Variants in BTF3L4 observed in about 807,000 individuals in gnomAD.
BTF3L4 encodes the protein transcription factor BTF3 homolog 4.
Under a neutral mutation model 16.8 loss-of-function variants are expected in BTF3L4, and 6 were observed. The observed-to-expected ratio is 0.36, with a 90% CI of 0.20 to 0.71. BTF3L4 has a LOEUF of 0.71. BTF3L4 is among the 30% of genes least tolerant of loss of function. The probability of loss-of-function intolerance (pLI) is 0.58; values close to 1 mark genes in which losing one functional copy is unlikely to be tolerated. For missense variants in BTF3L4, 92 were observed against 186.9 expected (o/e 0.49, Z 2.96); for synonymous variants, 39 against 59.8 (o/e 0.65, Z 1.60).
At chr1:52,075,938 T>G (rs1572028717) in intron 3 of BTF3L4, among the ~76,000 whole-genome samples, 1 of 152,180 alleles carries the variant, frequency 6.6e-6, no homozygotes, top group Admixed American at 6.6e-5. Context: ...GCGTAGGGAT[T>G]ACAGGAGTGA....
intron 3 of BTF3L4, 79 bp downstream of exon 3, chr1:52,065,017 C>T: frequency 2.7e-6 from 2 of 737,268 alleles, no homozygotes; most frequent in Non-Finnish European, 4.3e-6. Context: ...TGTAAAATAT[C>T]AGCTTAGAAA....
chr1:52,072,018 G>GA (rs2124429341), intron 3 of BTF3L4, among the ~76,000 whole-genome samples: 1 of 35,408 alleles, frequency 2.8e-5, no homozygotes, highest in East Asian at 1.2e-3. Flanking sequence ...ATTTTAGCCA[G>GA]GGTTTTTTTT....
At chr1:52,067,883 T>C (rs550667372) in intron 3 of BTF3L4, among the ~76,000 whole-genome samples, 9 of 152,332 alleles carry the variant, frequency 5.9e-5, no homozygotes, top group Admixed American at 5.9e-4. Flanking sequence ...CACTAGGTGC[T>C]GGTAACAGAC....
chr1:52,057,045 C>T (rs1425700832), intron 1 of BTF3L4, among the ~76,000 whole-genome samples: 2 of 152,184 alleles, frequency 1.3e-5, no homozygotes, highest in Non-Finnish European at 2.9e-5. Context: ...GAACCATTCC[C>T]TGTGGTTGAT....
At chr1:52,078,841 C>A (rs1686995888) in intron 3 of BTF3L4, among the ~76,000 whole-genome samples, 1 of 151,858 alleles carries the variant, frequency 6.6e-6, no homozygotes. Flanking sequence ...CTTCAGCTAT[C>A]TTTAGGGAAA....
At chr1:52,073,493 TACACACACACACACACACACACAC>T (rs142147737) in intron 3 of BTF3L4, among the ~76,000 whole-genome samples, 2 of 139,272 alleles carry the variant, frequency 1.4e-5, no homozygotes, top group Admixed American at 7.4e-5. Flanking sequence ...ATATGCTACA[TACACACACACACACACACACACAC>T]ACACACACAC....
chr1:52,074,552 G>A (rs941740314), intron 3 of BTF3L4, among the ~76,000 whole-genome samples: 2 of 151,938 alleles, frequency 1.3e-5, no homozygotes, highest in African/African-American at 2.4e-5. Flanking sequence ...TAGTAGAGAC[G>A]GGTTTCTCCA....
At position 52,064,789 on chromosome 1, in the gene BTF3L4, T is replaced by C. The variant is rs752148322; in HGVS notation, c.55-36T>C. The C allele has an allele frequency of 1.2e-5, 16 of 1,378,420 alleles. No individual in the cohort carries two copies. The East Asian group carries it at 2.1e-4, about 18-fold the overall frequency. The allele number at this position is 1,378,420 out of a possible 1,614,324, so 85.4% of individuals were successfully genotyped here. On this transcript the variant is annotated intron_variant, in intron 2 of 5. Transcript: ENST00000313334. ...GATTGCAGTTGCCAGATGCCAGGCATGCTAACACTTCTGCTTCTGTTTGGT... is the reference window on the plus strand; with the variant it reads ...GATTGCAGTTGCCAGATGCCAGGCACGCTAACACTTCTGCTTCTGTTTGGT...
At chr1:52,073,255 A>G (rs771114605) in intron 3 of BTF3L4, among the ~76,000 whole-genome samples, 5 of 152,148 alleles carry the variant, frequency 3.3e-5, no homozygotes, top group Non-Finnish European at 7.4e-5. Context: ...TTGCACTCCA[A>G]CCTCGGCAAC....
chr1:52,083,512 G>A lies in BTF3L4; in HGVS notation c.341G>A (p.Arg114Lys). ...GGTGCTGACAGTTTAACAAGCCTTAGGAAGTTAGCTGAACAGTTCCCACGG... is the reference window on the plus strand; with the variant it reads ...GGTGCTGACAGTTTAACAAGCCTTAAGAAGTTAGCTGAACAGTTCCCACGG... ...QLGADSLTSLRKLAEQFPRQV... is the reference protein window; with the variant it reads ...QLGADSLTSLKKLAEQFPRQV... Residue 114 changes from arginine (R) to lysine (K), a missense_variant, in exon 4 of 6, where the codon AGG becomes AAG. Arg to Lys is a conservative substitution (Grantham distance 26). Coordinates refer to ENST00000313334, the MANE Select transcript of BTF3L4 (RefSeq NM_152265.5). 1 of 1,613,498 alleles carries A rather than the reference G, an allele frequency of 6.2e-7. No homozygotes were observed. The highest frequency in any genetic ancestry group is 1.1e-5 in the South Asian group (1 of 91,030).
chr1:52,080,004 T>TG (rs1643904474), intron 3 of BTF3L4, among the ~76,000 whole-genome samples: 1 of 151,848 alleles, frequency 6.6e-6, no homozygotes. Flanking sequence ...CCCAAGTAGC[T>TG]GGGATTACAG....
At chr1:52,069,366 C>T (rs1686728535) in intron 3 of BTF3L4, among the ~76,000 whole-genome samples, 1 of 151,968 alleles carries the variant, frequency 6.6e-6, no homozygotes, top group South Asian at 2.1e-4. Flanking sequence ...TATATATAAC[C>T]TGGCTTGCTC....
chr1:52,058,773 G>A (rs1325246438), intron 1 of BTF3L4, among the ~76,000 whole-genome samples: 2 of 152,048 alleles, frequency 1.3e-5, no homozygotes, highest in East Asian at 1.9e-4. Flanking sequence ...GGCTAATTTT[G>A]TATTTTTAGT....
chr1:52,090,160 C>T lies in BTF3L4; in HGVS notation c.*3402C>T, dbSNP rs1644006567. On this transcript the variant is annotated 3_prime_UTR_variant, in exon 6 of 6. Coordinates refer to ENST00000313334, the MANE Select transcript of BTF3L4 (RefSeq NM_152265.5). ...GTTGTGTTCCAGAAGGTGTCATTTT[C>T]ATAGACTGCAGTGTGAATAGTGTCC... 6.6e-6 allele frequency: 1 copy of T among 152,206 alleles called. No individual in the cohort carries two copies. The highest frequency in any genetic ancestry group is 2.4e-5 in the African/African-American group (1 of 41,440). The allele number at this position is 152,206 out of a possible 1,614,324, so 9.4% of individuals were successfully genotyped here.
intron 3 of BTF3L4, among the ~76,000 whole-genome samples, chr1:52,078,710 GT>G (rs1262771876): frequency 6.6e-6 from 1 of 152,138 alleles, no homozygotes. Context: ...AGAGGACAAA[GT>G]TTACTGCTAA....
chr1:52,059,426 T>A (rs181978578), intron 1 of BTF3L4, among the ~76,000 whole-genome samples: 16 of 152,248 alleles, frequency 1.1e-4, no homozygotes, highest in Non-Finnish European at 2.2e-4. Context: ...AAAAATCTAC[T>A]TGAAGATTTT....
At chr1:52,071,550 T>C (rs1686786961) in intron 3 of BTF3L4, among the ~76,000 whole-genome samples, 1 of 152,224 alleles carries the variant, frequency 6.6e-6, no homozygotes. Context: ...TTAGAACCTA[T>C]TAAATTTAAG....
chr1:52,057,079 C>G (rs1686385903), intron 1 of BTF3L4, among the ~76,000 whole-genome samples: 2 of 152,144 alleles, frequency 1.3e-5, no homozygotes, highest in African/African-American at 4.8e-5. Flanking sequence ...TCAAAACAAC[C>G]CTGTGAAGTA....
chr1:52,060,150 A>G (rs576836353), intron 2 of BTF3L4, among the ~76,000 whole-genome samples: 4 of 152,354 alleles, frequency 2.6e-5, no homozygotes, highest in East Asian at 3.9e-4. Flanking sequence ...TATGATGTGA[A>G]CAAGTTATCC....
Sources: allele counts gnomAD v4.1 joint callset (sites outside exome capture counted in the v4.1 genomes callset), GRCh38; gene constraint gnomAD v4.1.1; transcripts MANE v1.5; gene names NCBI Gene and HGNC (gene_info 2026-07-23, HGNC 2026-07-21).